The following SLC24A2 variants were observed in gnomAD, a reference collection of about 807,000 sequenced individuals.
The protein encoded by SLC24A2 is solute carrier family 24 member 2.
Under a neutral mutation model 62.0 loss-of-function variants are expected in SLC24A2, and 36 were observed. That is an observed-to-expected ratio of 0.58 (90% CI 0.44 to 0.77). The LOEUF is 0.77. Ranked by LOEUF, SLC24A2 falls within the 30% of genes least tolerant of loss-of-function variation. The pLI is 0.00. For missense variants in SLC24A2, 846 were observed against 817.9 expected, an observed-to-expected ratio of 1.03 and a Z score of -0.42; for synonymous variants, 358 against 294.0, an observed-to-expected ratio of 1.22 and a Z score of -2.23.
the SLC24A2 span, among the ~76,000 whole-genome samples, chr9:20,233,072 T>G: frequency 6.6e-6 from 1 of 152,170 alleles, no homozygotes; most frequent in Non-Finnish European, 1.5e-5. Flanking sequence ...CTAGTTTGAT[T>G]GCACTGTGGT....
intron 4 of SLC24A2, among the ~76,000 whole-genome samples, chr9:19,608,584 C>A (rs1837055045): frequency 6.6e-6 from 1 of 152,174 alleles, no homozygotes. Context: ...CATGCCACCC[C>A]TTGGAACCGC....
intron 4 of SLC24A2, among the ~76,000 whole-genome samples, chr9:19,606,559 C>A (rs1836989439): frequency 6.6e-6 from 1 of 152,184 alleles, no homozygotes; most frequent in Non-Finnish European, 1.5e-5. Context: ...ACAGTGGGGG[C>A]CTGTAAAGGA....
intron 5 of SLC24A2, among the ~76,000 whole-genome samples, chr9:19,590,618 C>T (rs561569987): frequency 6.6e-6 from 1 of 152,230 alleles, no homozygotes; most frequent in Admixed American, 6.5e-5. Context: ...TATTATTTTC[C>T]TCTCTGTCCT....
chr9:20,305,683 C>A, the SLC24A2 span, among the ~76,000 whole-genome samples: 1 of 152,174 alleles, frequency 6.6e-6, no homozygotes, highest in East Asian at 1.9e-4. Flanking sequence ...TCTGCGAAGT[C>A]AATAGCATTA....
At chr9:19,749,647 T>C (rs1445868320) in intron 2 of SLC24A2, among the ~76,000 whole-genome samples, 2 of 152,236 alleles carry the variant, frequency 1.3e-5, no homozygotes, top group African/African-American at 4.8e-5. Context: ...TAAATTTGCA[T>C]TGCAGATAAA....
the SLC24A2 span, among the ~76,000 whole-genome samples, chr9:20,111,455 G>T: frequency 6.6e-6 from 1 of 152,124 alleles, no homozygotes; most frequent in Non-Finnish European, 1.5e-5. Flanking sequence ...TCTAAACAAT[G>T]TCTGCATATT....
chr9:20,082,234 G>A, the SLC24A2 span, among the ~76,000 whole-genome samples: 1 of 152,156 alleles, frequency 6.6e-6, no homozygotes, highest in African/African-American at 2.4e-5. Flanking sequence ...GCTTGTCTGA[G>A]CAGGCTACCG....
chr9:19,978,089 T>C, the SLC24A2 span, among the ~76,000 whole-genome samples: 1,048 of 152,290 alleles, frequency 6.9e-3, 4 homozygotes, highest in Admixed American at 0.018. Context: ...TTTAATTTGA[T>C]TGCAGAGAAC....
chr9:19,529,624 C>T (rs180867925), intron 8 of SLC24A2, among the ~76,000 whole-genome samples: 3 of 152,184 alleles, frequency 2.0e-5, no homozygotes, highest in Admixed American at 6.5e-5. Flanking sequence ...TCCCTGCTCC[C>T]TTTCTTTCTT....
intron 7 of SLC24A2, among the ~76,000 whole-genome samples, chr9:19,561,770 G>C (rs1448810882): frequency 8.6e-6 from 1 of 116,322 alleles, no homozygotes; most frequent in African/African-American, 2.8e-5. Context: ...TTGCTTGCCT[G>C]ATGGTAGAAA....
In SLC24A2 at chr9:19,521,637, A is replaced by G. The variant is rs1833204429; in HGVS notation, c.1570-577T>C. Among the ~76,000 whole-genome samples, 3 of 152,352 alleles carry G rather than the reference A, an allele frequency of 2.0e-5. No individual in the cohort carries two copies. In the South Asian group the frequency reaches 6.2e-4, roughly 32 times the overall value. On this transcript the variant is annotated intron_variant, in intron 9 of 10. Transcript: ENST00000341998. Reference sequence around the variant, plus strand: ...GTGGAGAAGCAAAATCCAGAAAATCAGAGGACCTGGGTCCAAGATCTGGCT... The same window carrying G: ...GTGGAGAAGCAAAATCCAGAAAATCGGAGGACCTGGGTCCAAGATCTGGCT...
intron 2 of SLC24A2, among the ~76,000 whole-genome samples, chr9:19,683,280 T>G (rs1424042278): frequency 6.6e-6 from 1 of 152,140 alleles, no homozygotes; most frequent in Non-Finnish European, 1.5e-5. Context: ...ATTATAAAAC[T>G]GATAGCAGGA....
At chr9:19,926,065 G>A in the SLC24A2 span, 2 of 152,126 alleles carry the variant, frequency 1.3e-5, no homozygotes, top group Admixed American at 6.5e-5. Flanking sequence ...TACCCTTTGT[G>A]TTGAGTATGT....
At chr9:19,636,326 T>TTCTTTTCTTTTC (rs1491476004) in intron 2 of SLC24A2, among the ~76,000 whole-genome samples, 275 of 26,814 alleles carry the variant, frequency 0.01, 12 homozygotes, top group Middle Eastern at 0.016. Context: ...TTTCTTTCTT[T>TTCTTTTCTTTTC]CTTTCTTTCT....
At chr9:20,048,379 T>G in the SLC24A2 span, among the ~76,000 whole-genome samples, 3 of 152,184 alleles carry the variant, frequency 2.0e-5, no homozygotes, top group East Asian at 3.8e-4. Context: ...TGAAGCACAG[T>G]AGAACATATG....
intron 8 of SLC24A2, 131 bp from the exon 9 acceptor site, chr9:19,528,269 A>G: frequency 1.4e-6 from 1 of 712,820 alleles, no homozygotes. Flanking sequence ...TTGGCAATCA[A>G]AAGACCCTAC....
chr9:19,607,424 AT>A (rs1055844416), intron 4 of SLC24A2, among the ~76,000 whole-genome samples: 5 of 150,708 alleles, frequency 3.3e-5, no homozygotes, highest in South Asian at 2.1e-4. Flanking sequence ...CATCAAAATC[AT>A]TTTTTTTTGG....
At chr9:20,277,303 A>G in the SLC24A2 span, among the ~76,000 whole-genome samples, 13 of 152,002 alleles carry the variant, frequency 8.6e-5, no homozygotes. Flanking sequence ...CAGGCAACCT[A>G]CAGAATGGGA....
chr9:19,647,048 CCACACACACACACACGCGCGCACA>C lies in SLC24A2; in HGVS notation c.931-24773_931-24750del, dbSNP rs1165478205. On this transcript the variant is annotated intron_variant, in intron 2 of 10. Transcript: ENST00000341998. The stretch of plus-strand genomic sequence containing the variant: ...ATTAATTTCCTTTCTCTCTCTCTTT[CCACACACACACACACGCGCGCACA>C]CACACACACACACACACACACACAC... Among the ~76,000 whole-genome samples, 1,066 of 122,076 alleles carry C rather than the reference CCACACACACACACACGCGCGCACA, an allele frequency of 8.7e-3. 8 individuals carry two copies. Among genetic ancestry groups the C allele is most frequent in the Middle Eastern group, 0.016 (4 of 250 alleles). The allele number at this position is 122,076 out of a possible 152,430, so 80.1% of individuals were successfully genotyped here.
Sources: gnomAD v4.1 joint callset for allele counts (sites outside exome capture counted in the v4.1 genomes callset) on GRCh38, gnomAD v4.1.1 for gene constraint, MANE v1.5 for transcripts, NCBI Gene and HGNC (gene_info 2026-07-23, HGNC 2026-07-21) for gene names.